The following CCNH variants were observed in gnomAD, a reference collection of about 807,000 sequenced individuals.
CCNH encodes cyclin H.
Under a neutral mutation model 41.9 loss-of-function variants are expected in CCNH, and 31 were observed. That is an observed-to-expected ratio of 0.74 (90% CI 0.56 to 1.00). The LOEUF is 1.00. CCNH is among the 50% of genes least tolerant of loss of function. The probability of loss-of-function intolerance (pLI) is 0.00; values close to 1 mark genes in which losing one functional copy is unlikely to be tolerated. For synonymous variants in CCNH, 138 were observed against 136.1 expected (o/e 1.01, Z -0.10); for missense variants, 362 against 388.4 (o/e 0.93, Z 0.57).
downstream of CCNH, among the ~76,000 whole-genome samples, chr5:87,389,146 A>C (rs768280880): frequency 1.1e-4 from 16 of 152,184 alleles, no homozygotes; most frequent in Non-Finnish European, 2.1e-4. Flanking sequence ...TTTTCACATG[A>C]GACTACAGAG....
chr5:87,411,500 C>T (rs748854009), intron 1 of CCNH, among the ~76,000 whole-genome samples, 154 bp from the exon 2 acceptor site: 3 of 152,178 alleles, frequency 2.0e-5, no homozygotes, highest in Non-Finnish European at 4.4e-5. Flanking sequence ...AATCATTACA[C>T]AAAATAGCTG....
chr5:87,408,020 G>A lies in CCNH; in HGVS notation c.481C>T (p.His161Tyr). The part of the protein sequence containing the change: ...IQQLNFHLIV[H>Y]NPYRPFEGFL... ...CCCTCAAATGGTCTGTAAGGATTGTGGACAATAAGGTGGAAATTAAGTTGC... is the reference window on the plus strand; with the variant it reads ...CCCTCAAATGGTCTGTAAGGATTGTAGACAATAAGGTGGAAATTAAGTTGC... Residue 161 changes from histidine to tyrosine, a missense_variant, in exon 4 of 9, where the codon CAC (histidine) becomes TAC (tyrosine). Physicochemically the swap from His to Tyr is moderately conservative, Grantham distance 83. Transcript: ENST00000256897. 3 of 1,613,658 alleles carry A rather than the reference G, an allele frequency of 1.9e-6. No homozygotes were observed. Among genetic ancestry groups the A allele is most frequent in the Non-Finnish European group, 1.7e-6 (2 of 1,179,586 alleles).
chr5:87,390,927 A>AT (rs1199122103), downstream of CCNH: 1 of 1,537,894 alleles, frequency 6.5e-7, no homozygotes, highest in Admixed American at 1.7e-5. Context: ...CATGTCCAAC[A>AT]TGGTAATTCA....
chr5:87,342,466 G>A (rs1337709638), intron 9 of CCNH, among the ~76,000 whole-genome samples: 1 of 152,122 alleles, frequency 6.6e-6, no homozygotes, highest in Non-Finnish European at 1.5e-5. Context: ...GCTAGGAGTT[G>A]CAAATTCTAA....
intron 8 of CCNH, 76 bp downstream of exon 8, chr5:87,394,968 A>G (rs142529377): frequency 6.2e-7 from 1 of 1,602,730 alleles, no homozygotes; most frequent in East Asian, 2.2e-5. Flanking sequence ...CTCTTGGAGA[A>G]TAAATCTTAA....
downstream of CCNH, among the ~76,000 whole-genome samples, chr5:87,375,346 C>T (rs1342027437): frequency 1.3e-5 from 2 of 150,024 alleles, no homozygotes; most frequent in Non-Finnish European, 3.0e-5. Flanking sequence ...CTGCAACCTC[C>T]GCCTCCCAGG....
chr5:87,347,927 AAAC>A (rs1758980282), intron 9 of CCNH, among the ~76,000 whole-genome samples: 2 of 151,024 alleles, frequency 1.3e-5, no homozygotes, highest in South Asian at 4.1e-4. Flanking sequence ...AAAAGGAGCT[AAAC>A]TTAATTTCCT....
At chr5:87,379,717 AT>A (rs1561325012), upstream of CCNH, 1 of 1,610,524 alleles carries the variant, frequency 6.2e-7, no homozygotes, top group East Asian at 2.2e-5. Flanking sequence ...ATTTATATTG[AT>A]TTATTCCTTC....
In CCNH at chr5:87,394,327, A is replaced by G. The variant is rs1395079907; in HGVS notation, c.*119T>C. ...AGTTACTGTGAAAGGGAAAGAAAAC[A>G]ATAGAAAAGTTTTAATATATTTTAT... On this transcript the variant is annotated 3_prime_UTR_variant, in exon 9 of 9. Transcript: ENST00000256897. 2 of 1,392,076 alleles carry G rather than the reference A, an allele frequency of 1.4e-6. No individual in the cohort carries two copies. Among genetic ancestry groups the G allele is most frequent in the Non-Finnish European group, 1.9e-6 (2 of 1,063,494 alleles). The allele number at this position is 1,392,076 out of a possible 1,614,324, so 86.2% of individuals were successfully genotyped here. A position where few individuals can be genotyped will look rare whatever the true frequency, so the allele number is the denominator to read the frequency against.
rs199761847 is a variant in CCNH at position 87,397,924 on chromosome 5, T to C, written c.872+1470A>G. Among the ~76,000 whole-genome samples the C allele has an allele frequency of 3.3e-4, 50 of 152,306 alleles. No homozygotes were observed. The East Asian group carries it at 9.1e-3, about 28-fold the overall frequency. On this transcript the variant is annotated intron_variant, in intron 7 of 8. Coordinates refer to ENST00000256897, the MANE Select transcript of CCNH (RefSeq NM_001239.4). The stretch of plus-strand genomic sequence containing the variant: ...TAGCCATAGGTGATATATAAACGAA[T>C]AGGTGTGCTACATTCCAAGAAACTG...
the CCNH span, among the ~76,000 whole-genome samples, chr5:87,312,294 G>A: frequency 0.013 from 1,928 of 152,240 alleles, 21 homozygotes; most frequent in Non-Finnish European, 0.021. Context: ...AAACAGATAA[G>A]GAAATCTGTC....
At chr5:87,380,425 T>G, upstream of CCNH, 1 of 1,210,908 alleles carries the variant, frequency 8.3e-7, no homozygotes, top group Non-Finnish European at 1.2e-6. Context: ...CTGTGGTATA[T>G]TTGGGTAAAT....
chr5:87,349,290 T>C (rs1759089646), intron 9 of CCNH: 1 of 1,612,226 alleles, frequency 6.2e-7, no homozygotes, highest in Non-Finnish European at 8.5e-7. Context: ...TCCGGACCAA[T>C]GAAAATATTC....
chr5:87,364,414 T>G (rs1363552460), intron 9 of CCNH, among the ~76,000 whole-genome samples: 3 of 152,172 alleles, frequency 2.0e-5, no homozygotes, highest in African/African-American at 7.2e-5. Context: ...TAGTTTTACT[T>G]ATAGCAAGGC....
At chr5:87,374,800 C>T (rs777215364), downstream of CCNH, 17 of 1,600,786 alleles carry the variant, frequency 1.1e-5, no homozygotes, top group Admixed American at 2.2e-4. Flanking sequence ...AGTTTGATGC[C>T]AAAACATTTT....
At chr5:87,317,023 C>T (rs1756393454), downstream of CCNH, among the ~76,000 whole-genome samples, 1 of 152,046 alleles carries the variant, frequency 6.6e-6, no homozygotes, top group Non-Finnish European at 1.5e-5. Flanking sequence ...GCTGGGATTA[C>T]AGGCGTGTGC....
At chr5:87,315,757 T>C (rs1756282293), downstream of CCNH, among the ~76,000 whole-genome samples, 1 of 152,212 alleles carries the variant, frequency 6.6e-6, no homozygotes, top group South Asian at 2.1e-4. Flanking sequence ...CTGCTTCCAT[T>C]ATTTTTGTAT....
upstream of CCNH, chr5:87,379,627 G>A (rs1400451354): frequency 1.4e-6 from 2 of 1,446,258 alleles, no homozygotes; most frequent in Non-Finnish European, 1.9e-6. Flanking sequence ...TACACACAGA[G>A]ATACCGAAAA....
chr5:87,318,943 G>T (rs140133316), intron 9 of CCNH: 1 of 152,382 alleles, frequency 6.6e-6, no homozygotes, highest in Non-Finnish European at 1.5e-5. Context: ...TACAATGAGA[G>T]TACAGGGAAT....
Sources: allele counts gnomAD v4.1 joint callset (sites outside exome capture counted in the v4.1 genomes callset), GRCh38; gene constraint gnomAD v4.1.1; transcripts MANE v1.5; gene names NCBI Gene and HGNC (gene_info 2026-07-23, HGNC 2026-07-21).